Variants in PCDH15 observed in about 807,000 individuals in gnomAD.
PCDH15 encodes protocadherin related 15, also known as protocadherin-15.
Under a neutral mutation model 178.5 loss-of-function variants are expected in PCDH15, and 129 were observed. The ratio of observed to expected loss-of-function variants is 0.72; its 90% CI spans 0.63 to 0.84. The LOEUF (loss-of-function observed/expected upper bound fraction) is 0.84. PCDH15 is among the 40% of genes least tolerant of loss of function. PCDH15 has a pLI of 0.00. For missense variants in PCDH15, 2,230 were observed against 2,099.9 expected (o/e 1.06, Z -1.21); for synonymous variants, 800 against 732.0 (o/e 1.09, Z -1.50).
chr10:54,583,642 C>T (rs1590267004), intron 2 of PCDH15, among the ~76,000 whole-genome samples: 1 of 152,052 alleles, frequency 6.6e-6, no homozygotes, highest in African/African-American at 2.4e-5. Context: ...AGATTATCAA[C>T]TCCCAATTTC....
At chr10:54,595,637 A>G (rs1424388981) in intron 2 of PCDH15, among the ~76,000 whole-genome samples, 1 of 152,188 alleles carries the variant, frequency 6.6e-6, no homozygotes, top group Non-Finnish European at 1.5e-5. Flanking sequence ...CAGATTATGG[A>G]TAGGAATAAA....
rs540507383 is a variant in PCDH15 at position 54,345,801 on chromosome 10, C to CAAAAAA, written c.594+558_594+563dup. ...TGGGCAACAGAGCGAGACTCCGTCT[C>CAAAAAA]AAAAAAAAAAAAAAAAAAAAAAAAA... On this transcript the variant is annotated intron_variant, in intron 6 of 37. Coordinates refer to ENST00000644397, the MANE Select transcript of PCDH15 (RefSeq NM_001384140.1). Among the ~76,000 whole-genome samples the CAAAAAA allele has an allele frequency of 9.7e-4, 51 of 52,468 alleles. 1 individual carries two copies. Among genetic ancestry groups the CAAAAAA allele is most frequent in the East Asian group, 2.3e-3 (2 of 876 alleles). 34.4% of individuals were successfully genotyped at this position (52,468 alleles called of 152,430 possible).
chr10:55,535,515 C>CT (rs1841557498), intron 2 of PCDH15, among the ~76,000 whole-genome samples: 1 of 151,930 alleles, frequency 6.6e-6, no homozygotes, highest in East Asian at 1.9e-4. Flanking sequence ...CAATATTAAA[C>CT]TATGTTTACA....
At chr10:53,896,919 G>C (rs1211934800) in intron 26 of PCDH15, among the ~76,000 whole-genome samples, 2 of 152,064 alleles carry the variant, frequency 1.3e-5, no homozygotes, top group Non-Finnish European at 2.9e-5. Flanking sequence ...ACATTATGGC[G>C]AGTTTTATCA....
chr10:54,935,745 A>G (rs750282586), intron 2 of PCDH15, among the ~76,000 whole-genome samples: 4 of 151,930 alleles, frequency 2.6e-5, no homozygotes, highest in Admixed American at 6.6e-5. Flanking sequence ...ATTCCTTTCT[A>G]TTATTGCCTC....
chr10:54,501,958 C>T (rs1359053437), intron 3 of PCDH15, among the ~76,000 whole-genome samples: 1 of 151,942 alleles, frequency 6.6e-6, no homozygotes, highest in East Asian at 1.9e-4. Context: ...ATAACACATG[C>T]TAGATTGCTC....
At chr10:54,562,404 T>C (rs550686248) in intron 2 of PCDH15, among the ~76,000 whole-genome samples, 5 of 152,252 alleles carry the variant, frequency 3.3e-5, no homozygotes, top group African/African-American at 9.6e-5. Context: ...TAACTCAATA[T>C]TGATATCAAG....
At chr10:54,850,561 T>C (rs960516238) in intron 3 of PCDH15, among the ~76,000 whole-genome samples, 2 of 152,128 alleles carry the variant, frequency 1.3e-5, no homozygotes, top group Non-Finnish European at 2.9e-5. Flanking sequence ...CATTCATTCT[T>C]AGGCATATAT....
chr10:55,061,754 C>T (rs1841439358), intron 2 of PCDH15, among the ~76,000 whole-genome samples: 1 of 152,186 alleles, frequency 6.6e-6, no homozygotes, highest in Admixed American at 6.5e-5. Context: ...GATGCGGTGG[C>T]TTACGCCTGT....
At chr10:54,955,651 T>C (rs1200104076) in intron 2 of PCDH15, among the ~76,000 whole-genome samples, 4 of 151,420 alleles carry the variant, frequency 2.6e-5, no homozygotes, top group Non-Finnish European at 4.4e-5. Context: ...TTATGTAGTA[T>C]GTAATTTTTT....
chr10:54,569,651 G>A (rs1045661130), intron 2 of PCDH15, among the ~76,000 whole-genome samples: 10 of 152,086 alleles, frequency 6.6e-5, no homozygotes, highest in African/African-American at 2.4e-4. Context: ...GGCTTTGGGG[G>A]ATTTTTCAAA....
At chr10:54,978,018 C>T (rs2131900786) in intron 2 of PCDH15, among the ~76,000 whole-genome samples, 1 of 152,230 alleles carries the variant, frequency 6.6e-6, no homozygotes, top group African/African-American at 2.4e-5. Context: ...AATTTATAGT[C>T]TTAGCCTAGT....
chr10:55,252,339 C>A (rs1841859696), intron 1 of PCDH15, among the ~76,000 whole-genome samples: 1 of 152,068 alleles, frequency 6.6e-6, no homozygotes, highest in Admixed American at 6.6e-5. Flanking sequence ...TTATATAAAT[C>A]AATACCTGCT....
intron 2 of PCDH15, among the ~76,000 whole-genome samples, chr10:54,935,694 C>T (rs754920616): frequency 2.0e-5 from 3 of 152,158 alleles, no homozygotes; most frequent in East Asian, 1.9e-4. Flanking sequence ...AATTTTCCTT[C>T]GTATCCCCTT....
chr10:55,292,348 C>A (rs1843027541), intron 1 of PCDH15, among the ~76,000 whole-genome samples: 2 of 152,086 alleles, frequency 1.3e-5, no homozygotes, highest in African/African-American at 4.8e-5. Context: ...TCCAGCAGGG[C>A]AGTCAAATCT....
chr10:55,402,246 C>T (rs1838088318), intron 2 of PCDH15, among the ~76,000 whole-genome samples: 1 of 151,972 alleles, frequency 6.6e-6, no homozygotes. Context: ...TTTATTTATA[C>T]CTAATAATTA....
chr10:54,301,954 G>A (rs962485518), intron 8 of PCDH15, among the ~76,000 whole-genome samples: 3 of 152,032 alleles, frequency 2.0e-5, no homozygotes, highest in African/African-American at 7.2e-5. Flanking sequence ...TGCAGTGGTG[G>A]TTATAGTGAC....
At chr10:55,249,143 T>C (rs972974476) in intron 1 of PCDH15, among the ~76,000 whole-genome samples, 3 of 152,146 alleles carry the variant, frequency 2.0e-5, no homozygotes, top group Admixed American at 6.5e-5. Flanking sequence ...TGAAACTTTA[T>C]AGAGGCGACA....
intron 27 of PCDH15, among the ~76,000 whole-genome samples, chr10:53,859,157 GCC>G (rs2078946759): frequency 6.6e-6 from 1 of 152,004 alleles, no homozygotes; most frequent in African/African-American, 2.4e-5. Flanking sequence ...TAATCACTAG[GCC>G]TCATTCTCTG....
Sources: allele counts gnomAD v4.1 joint callset (sites outside exome capture counted in the v4.1 genomes callset), GRCh38; gene constraint gnomAD v4.1.1; transcripts MANE v1.5; gene names NCBI Gene and HGNC (gene_info 2026-07-23, HGNC 2026-07-21).